Variants in SLC14A2 observed in about 807,000 individuals in gnomAD.
SLC14A2 encodes urea transporter 2.
Under a neutral mutation model 104.6 loss-of-function variants are expected in SLC14A2, and 91 were observed. The ratio of observed to expected loss-of-function variants is 0.87; its 90% confidence interval spans 0.73 to 1.04. SLC14A2 has a LOEUF of 1.04. Among genes scored for constraint, SLC14A2 ranks in the 50% least tolerant of loss-of-function variants. The pLI, the probability that SLC14A2 is intolerant of heterozygous loss-of-function variation, is 0.00. For synonymous variants in SLC14A2, 476 were observed against 466.4 expected (o/e 1.02, Z -0.27); for missense variants, 1,189 against 1,156.0 (o/e 1.03, Z -0.41).
chr18:45,403,266 TA>T (rs902952622), intron 1 of SLC14A2, among the ~76,000 whole-genome samples: 1 of 152,200 alleles, frequency 6.6e-6, no homozygotes, highest in African/African-American at 2.4e-5. Context: ...GGTCCACCCT[TA>T]TGACCTCATT....
chr18:45,179,441 C>G, the SLC14A2 span, among the ~76,000 whole-genome samples: 1 of 152,136 alleles, frequency 6.6e-6, no homozygotes, highest in Non-Finnish European at 1.5e-5. Context: ...TTAGCTCTGG[C>G]AGTTTCTTAA....
chr18:45,667,212 T>A (rs1266032456), intron 13 of SLC14A2, 118 bp downstream of exon 13: 1 of 723,850 alleles, frequency 1.4e-6, no homozygotes, highest in Non-Finnish European at 2.2e-6. Flanking sequence ...GACTGCACTC[T>A]GTTACTGTGG....
intron 2 of SLC14A2, among the ~76,000 whole-genome samples, chr18:45,561,962 C>A (rs2044205803): frequency 6.6e-6 from 1 of 152,136 alleles, no homozygotes; most frequent in Non-Finnish European, 1.5e-5. Context: ...ATTTCTTTAT[C>A]CATGCCTTCA....
intron 1 of SLC14A2, among the ~76,000 whole-genome samples, chr18:45,471,138 G>A (rs1252874208): frequency 6.6e-6 from 1 of 152,122 alleles, no homozygotes; most frequent in Non-Finnish European, 1.5e-5. Flanking sequence ...GCATTATTAG[G>A]ATGTGTGGTG....
At chr18:45,376,626 G>A (rs1388147905) in intron 1 of SLC14A2, among the ~76,000 whole-genome samples, 1 of 152,132 alleles carries the variant, frequency 6.6e-6, no homozygotes, top group Non-Finnish European at 1.5e-5. Context: ...ACGGATCAGA[G>A]AAAAGAGAGA....
intron 2 of SLC14A2, chr18:45,528,749 A>T (rs887976789): frequency 6.6e-6 from 1 of 152,096 alleles, no homozygotes; most frequent in Non-Finnish European, 1.5e-5. Context: ...AAAAAAGTTA[A>T]ATCTGTGCTA....
intron 2 of SLC14A2, among the ~76,000 whole-genome samples, chr18:45,605,044 G>A (rs553359182): frequency 2.2e-4 from 33 of 152,134 alleles, no homozygotes; most frequent in Admixed American, 3.9e-4. Flanking sequence ...ACTCTTCCCC[G>A]CAGTGATCAT....
chr18:45,645,976 G>A (rs1228716333), intron 10 of SLC14A2, among the ~76,000 whole-genome samples: 1 of 152,150 alleles, frequency 6.6e-6, no homozygotes, highest in Non-Finnish European at 1.5e-5. Flanking sequence ...GCTGGTGACA[G>A]CATGAAGACC....
intron 19 of SLC14A2, among the ~76,000 whole-genome samples, chr18:45,681,618 T>C (rs114837605): frequency 0.021 from 3,259 of 152,314 alleles, 129 homozygotes; most frequent in African/African-American, 0.074. Context: ...TCCAGCTCCA[T>C]AGGACAATGA....
intron 2 of SLC14A2, among the ~76,000 whole-genome samples, chr18:45,522,344 T>C (rs951093849): frequency 5.3e-5 from 8 of 152,192 alleles, no homozygotes; most frequent in Non-Finnish European, 8.8e-5. Flanking sequence ...ATGTCCAGCT[T>C]GCAGTAATAA....
chr18:45,611,025 G>A (rs756890378), upstream of SLC14A2, among the ~76,000 whole-genome samples: 4 of 152,152 alleles, frequency 2.6e-5, no homozygotes, highest in African/African-American at 7.2e-5. Flanking sequence ...ACAGAGGATC[G>A]GCACACCCAG....
At chr18:45,356,421 C>G (rs2085554888) in intron 1 of SLC14A2, among the ~76,000 whole-genome samples, 1 of 152,172 alleles carries the variant, frequency 6.6e-6, no homozygotes, top group African/African-American at 2.4e-5. Flanking sequence ...AGACTTTTAT[C>G]TTATTTAGGG....
intron 1 of SLC14A2, among the ~76,000 whole-genome samples, chr18:45,287,293 G>A (rs1243271588): frequency 1.3e-5 from 2 of 152,216 alleles, no homozygotes; most frequent in Non-Finnish European, 2.9e-5. Context: ...TCTGGTAAAT[G>A]TTTTTGGGAG....
intron 8 of SLC14A2, among the ~76,000 whole-genome samples, chr18:45,641,795 G>A (rs918015435): frequency 2.0e-5 from 3 of 152,196 alleles, no homozygotes; most frequent in Admixed American, 6.5e-5. Context: ...CACAAAGGTT[G>A]TTGGAATGAT....
intron 2 of SLC14A2, among the ~76,000 whole-genome samples, chr18:45,535,771 T>C (rs1568264824): frequency 2.0e-5 from 3 of 152,146 alleles, no homozygotes. Context: ...TCCTCATTTG[T>C]AAAATAGGAA....
At chr18:45,422,956 C>T (rs1251204508) in intron 1 of SLC14A2, among the ~76,000 whole-genome samples, 1 of 152,130 alleles carries the variant, frequency 6.6e-6, no homozygotes, top group Non-Finnish European at 1.5e-5. Flanking sequence ...CTGTCCCCTC[C>T]TAACTTTTCC....
In SLC14A2 at chr18:45,344,789, A is replaced by G. The variant is rs555982841; in HGVS notation, c.-125+131598A>G. Among the ~76,000 whole-genome samples the G allele has an allele frequency of 2.6e-5, 4 of 152,346 alleles. No individual in the cohort carries two copies. The East Asian group carries it at 7.7e-4, about 29-fold the overall frequency. On this transcript the variant is annotated intron_variant, in intron 1 of 20. Transcript: ENST00000586448. ...GCATTACTGCATCCCAAGAAGCCAC[A>G]TCAATTAGGCACCTAATGCATGACC...
Position 45,632,334 on chromosome 18 carries a change from T to C in SLC14A2, c.522-16T>C, listed in dbSNP as rs769613502. On this transcript the variant is annotated splice_polypyrimidine_tract_variant and intron_variant, in intron 4 of 19. Coordinates refer to ENST00000255226, the MANE Select transcript of SLC14A2 (RefSeq NM_007163.4). ...CCACCAACTTCAAATGCAAAATCAGTCTGTTTCACCGCCAGGTCTGCCATT... is the reference window on the plus strand; with the variant it reads ...CCACCAACTTCAAATGCAAAATCAGCCTGTTTCACCGCCAGGTCTGCCATT... 6 of 1,608,738 alleles carry C rather than the reference T, an allele frequency of 3.7e-6. No homozygotes were observed. Among genetic ancestry groups the C allele is most frequent in the Non-Finnish European group, 5.1e-6 (6 of 1,177,848 alleles).
intron 2 of SLC14A2, among the ~76,000 whole-genome samples, chr18:45,587,615 G>A (rs1568287603): frequency 6.6e-6 from 1 of 152,156 alleles, no homozygotes; most frequent in Non-Finnish European, 1.5e-5. Context: ...CAAGGCACGA[G>A]TTGGCATCAA....
Sources: gnomAD v4.1 joint callset for allele counts (sites outside exome capture counted in the v4.1 genomes callset) on GRCh38, gnomAD v4.1.1 for gene constraint, MANE v1.5 for transcripts, NCBI Gene and HGNC (gene_info 2026-07-23, HGNC 2026-07-21) for gene names.